The following RHOBTB2 variants were observed in gnomAD, a reference collection of about 807,000 sequenced individuals.
RHOBTB2 encodes the protein Rho related BTB domain containing 2, also known as rho-related BTB domain-containing protein 2.
Under a neutral mutation model 66.5 loss-of-function variants are expected in RHOBTB2, and 39 were observed. The ratio of observed to expected loss-of-function variants is 0.59; its 90% CI spans 0.45 to 0.77. RHOBTB2 has a LOEUF of 0.77. Ranked by LOEUF, RHOBTB2 falls within the 30% of genes least tolerant of loss-of-function variation. The pLI is 0.00. For synonymous variants in RHOBTB2, 390 were observed against 395.0 expected (o/e 0.99, Z 0.15); for missense variants, 755 against 999.1 (o/e 0.76, Z 3.29).
intron 1 of RHOBTB2, among the ~76,000 whole-genome samples, chr8:23,000,815 T>C (rs564448214): frequency 2.1e-4 from 32 of 152,284 alleles, no homozygotes; most frequent in African/African-American, 7.2e-4. Flanking sequence ...TTTTCAGGAT[T>C]TTCCTCCCAT....
rs767630251 is a variant in RHOBTB2, at chr8:23,017,323, C to T, written c.2038C>T (p.Arg680Trp). ...WYLKEEDHYQ[R>W]ARKEREKEDY... The stretch of plus-strand genomic sequence containing the variant: ...CCTGAAGGAGGAAGATCATTACCAG[C>T]GGGCACGGAAGGAGCGTGAGAAGGA... Residue 680 changes from arginine (R) to tryptophan (W), a missense_variant, in exon 10 of 10, where the codon CGG (arginine) becomes TGG (tryptophan). Around this residue, in one of 7 missense-constraint regions of RHOBTB2, gnomAD observed 353 missense variants for 458.2 expected, o/e 0.77. Coordinates refer to ENST00000251822, the MANE Select transcript of RHOBTB2 (RefSeq NM_015178.3). The surrounding 1 kb of genome is among the most constrained non-coding windows in gnomAD (Gnocchi z 5.3). The T allele has an allele frequency of 2.4e-5, 38 of 1,614,064 alleles. No individual in the cohort carries two copies. Among genetic ancestry groups the T allele is most frequent in the Admixed American group, 3.3e-5 (2 of 60,008 alleles).
chr8:22,987,042 T>G (rs1460890398), upstream of RHOBTB2, among the ~76,000 whole-genome samples: 1 of 152,258 alleles, frequency 6.6e-6, no homozygotes, highest in South Asian at 2.1e-4. Context: ...CAGAATTAAT[T>G]ACTGGTGGGG....
intron 1 of RHOBTB2, among the ~76,000 whole-genome samples, chr8:22,988,322 G>A (rs1810337978): frequency 6.6e-6 from 1 of 151,904 alleles, no homozygotes; most frequent in Non-Finnish European, 1.5e-5. Flanking sequence ...ACCATGCCTG[G>A]CTAATTTTTT....
At chr8:23,009,849 C>T (rs1432905824) in intron 6 of RHOBTB2, among the ~76,000 whole-genome samples, 1 of 152,286 alleles carries the variant, frequency 6.6e-6, no homozygotes, top group East Asian at 1.9e-4. Context: ...GGGCACTTCT[C>T]GGTACTGTAG....
the RHOBTB2 span, among the ~76,000 whole-genome samples, chr8:22,958,258 G>A: frequency 6.6e-6 from 1 of 152,186 alleles, no homozygotes; most frequent in African/African-American, 2.4e-5. Flanking sequence ...GCTTGACAAG[G>A]AGCTGGGAAG....
At chr8:22,980,187 G>GA in the RHOBTB2 span, among the ~76,000 whole-genome samples, 2 of 151,992 alleles carry the variant, frequency 1.3e-5, no homozygotes, top group Non-Finnish European at 2.9e-5. Context: ...ATTAATAGGA[G>GA]AAAAAAAGGT....
the RHOBTB2 span, among the ~76,000 whole-genome samples, chr8:22,958,602 T>C: frequency 6.6e-6 from 1 of 151,776 alleles, no homozygotes; most frequent in East Asian, 1.9e-4. Context: ...AGTTCAAGAC[T>C]AGCCTAAGCA....
chr8:23,004,578 G>A lies in RHOBTB2; in HGVS notation c.144G>A (p.Thr48=), dbSNP rs771003342. ...ATLTQYQLLA[T]HVPTVWAIDQ... is the part of the protein sequence containing the mutation. The stretch of plus-strand genomic sequence containing the variant: ...TCACCCAGTACCAGCTGCTGGCCAC[G>A]CATGTGCCCACAGTATGGGCCATCG... Residue 48 remains threonine (T), a synonymous_variant, in exon 2 of 10, where the codon ACG becomes ACA. Coordinates refer to ENST00000251822, the MANE Select transcript of RHOBTB2 (RefSeq NM_015178.3). The surrounding 1 kb of genome is among the most constrained non-coding windows in gnomAD (Gnocchi z 6.4). 20 of 1,613,986 alleles carry A rather than the reference G, an allele frequency of 1.2e-5. No homozygotes were observed. Among genetic ancestry groups the A allele is most frequent in the Middle Eastern group, 1.6e-4 (1 of 6,084 alleles).
chr8:22,988,320 T>C (rs2954156), intron 1 of RHOBTB2, among the ~76,000 whole-genome samples: 131,568 of 151,912 alleles, frequency 0.87, 57,112 homozygotes, highest in East Asian at 0.95. Context: ...CCACCATGCC[T>C]GGCTAATTTT....
At chr8:22,995,913 AG>A (rs1563285858), upstream of RHOBTB2, 1 of 1,549,254 alleles carries the variant, frequency 6.5e-7, no homozygotes, top group South Asian at 1.2e-5. Flanking sequence ...TGAAGGGTAA[AG>A]CTGCCTGTGA....
In RHOBTB2 at chr8:22,999,904, C is replaced by T. The variant is rs1177503755; in HGVS notation, c.-212C>T. 4 of 985,188 alleles carry T rather than the reference C, an allele frequency of 4.1e-6. No homozygotes were observed. Among genetic ancestry groups the T allele is most frequent in the Admixed American group, 6.2e-5 (1 of 16,240 alleles). 61.0% of individuals were successfully genotyped at this position (985,188 alleles called of 1,614,324 possible). On this transcript the variant is annotated 5_prime_UTR_variant, in exon 1 of 10. The change creates a new upstream start codon in the 5' untranslated region. Transcript: ENST00000251822. ...GCGCGCGCGTCCGCTCCTGGGCCCACGTCCGGCCTGGGCTGCCCTGCCGGA... is the reference window on the plus strand; with the variant it reads ...GCGCGCGCGTCCGCTCCTGGGCCCATGTCCGGCCTGGGCTGCCCTGCCGGA...
In RHOBTB2 at chr8:23,019,226, C is replaced by CAG. The variant is rs1811406822; in HGVS notation, c.*1758_*1759dup. ...TTGAGCTAACCTGAAACAAAGGTAGCAGGCAGGACCTAATGACCAGAGGTT... is the reference window on the plus strand; with the variant it reads ...TTGAGCTAACCTGAAACAAAGGTAGCAGAGGCAGGACCTAATGACCAGAGGTT... On this transcript the variant is annotated 3_prime_UTR_variant, in exon 10 of 10. Transcript: ENST00000251822. 6.6e-6 allele frequency: 1 copy of CAG among 152,190 alleles called. No individual in the cohort carries two copies. Among genetic ancestry groups the CAG allele is most frequent in the Non-Finnish European group, 1.5e-5 (1 of 68,104 alleles). 9.4% of individuals were successfully genotyped at this position (152,190 alleles called of 1,614,324 possible). A position where few individuals can be genotyped will look rare whatever the true frequency, so the allele number is the denominator to read the frequency against.
rs1052684946 is a variant in RHOBTB2 at position 23,019,165 on chromosome 8, G to C, written c.*1696G>C. 3.3e-5 allele frequency: 5 copies of C among 152,556 alleles called. No homozygotes were observed. The highest frequency in any genetic ancestry group is 1.2e-4 in the African/African-American group (5 of 41,468). The allele number at this position is 152,556 out of a possible 1,614,324, so 9.5% of individuals were successfully genotyped here. On this transcript the variant is annotated 3_prime_UTR_variant, in exon 10 of 10. Transcript: ENST00000251822. ...TTCTAGCTGAGAGGGCCTGGCCCTG[G>C]GGTGGGCTCCAGGAAAACGCTGGTT...
the RHOBTB2 span, among the ~76,000 whole-genome samples, chr8:22,956,511 TTTGCCTTCTGCCATGA>T: frequency 1.3e-5 from 2 of 152,102 alleles, no homozygotes; most frequent in African/African-American, 4.8e-5. Context: ...TCACTCCCCC[TTTGCCTTCTGCCATGA>T]TTGTAAGTCT....
upstream of RHOBTB2, chr8:22,996,026 G>T (rs1196044491): frequency 3.8e-6 from 3 of 788,378 alleles, no homozygotes; most frequent in Non-Finnish European, 6.6e-6. Flanking sequence ...AGCAACGCTG[G>T]TGGGACTGGC....
the RHOBTB2 span, among the ~76,000 whole-genome samples, chr8:22,974,684 T>C: frequency 3.3e-5 from 5 of 152,308 alleles, no homozygotes; most frequent in East Asian, 9.6e-4. Context: ...GAGAGTTTAA[T>C]TGGCCATCAA....
rs999900643 is a variant in RHOBTB2 at position 23,019,861 on chromosome 8, G to A, written c.*2392G>A. 2 of 187,360 alleles carry A rather than the reference G, an allele frequency of 1.1e-5. No homozygotes were observed. The highest frequency in any genetic ancestry group is 4.8e-5 in the African/African-American group (2 of 42,076). 11.6% of individuals were successfully genotyped at this position (187,360 alleles called of 1,614,324 possible). ...AGAACTCTCCTGGGAGGCTGTGGGTGAGCCAGGCCAACATTGGTGTCCCTG... is the reference window on the plus strand; with the variant it reads ...AGAACTCTCCTGGGAGGCTGTGGGTAAGCCAGGCCAACATTGGTGTCCCTG... On this transcript the variant is annotated 3_prime_UTR_variant, in exon 10 of 10. Transcript: ENST00000251822.
chr8:22,999,759 C>T lies in RHOBTB2; in HGVS notation c.-357C>T. The T allele has an allele frequency of 2.0e-6, 2 of 996,182 alleles. No homozygotes were observed. Among genetic ancestry groups the T allele is most frequent in the South Asian group, 4.3e-5 (1 of 23,374 alleles). 61.7% of individuals were successfully genotyped at this position (996,182 alleles called of 1,614,324 possible). Reference sequence around the variant, plus strand: ...GCGTAGCGGCGGCGGCCTCGCCCCTCTCCCGGCGCCCCTGCGCGCCGCCCG... The same window carrying T: ...GCGTAGCGGCGGCGGCCTCGCCCCTTTCCCGGCGCCCCTGCGCGCCGCCCG... On this transcript the variant is annotated 5_prime_UTR_variant, in exon 1 of 10. Coordinates refer to ENST00000251822, the MANE Select transcript of RHOBTB2 (RefSeq NM_015178.3).
At chr8:22,956,515 C>T in the RHOBTB2 span, among the ~76,000 whole-genome samples, 1 of 152,146 alleles carries the variant, frequency 6.6e-6, no homozygotes, top group East Asian at 1.9e-4. Flanking sequence ...TCCCCCTTTG[C>T]CTTCTGCCAT....
Sources: gnomAD v4.1 joint callset for allele counts (sites outside exome capture counted in the v4.1 genomes callset) on GRCh38, gnomAD v4.1.1 for gene constraint, gnomAD v4.1.1 regional missense constraint, Gnocchi (gnomAD v3.1) non-coding constraint, MANE v1.5 for transcripts, NCBI Gene and HGNC (gene_info 2026-07-23, HGNC 2026-07-21) for gene names.